Variants in IFNAR1 observed in about 807,000 individuals in gnomAD.
IFNAR1 encodes the protein interferon alpha and beta receptor subunit 1.
Under a neutral mutation model 62.1 loss-of-function variants are expected in IFNAR1, and 47 were observed. The observed-to-expected ratio is 0.76, with a 90% CI of 0.60 to 0.97. IFNAR1 has a LOEUF of 0.97. Ranked by LOEUF, IFNAR1 falls within the 50% of genes least tolerant of loss-of-function variation. IFNAR1 has a pLI of 0.00. For missense variants in IFNAR1, 638 were observed against 654.5 expected, an observed-to-expected ratio of 0.97 and a Z score of 0.27; for synonymous variants, 219 against 226.9, an observed-to-expected ratio of 0.97 and a Z score of 0.31.
In IFNAR1 at chr21:33,341,127, A is replaced by T; in HGVS notation, c.329A>T (p.Asn110Ile). 6.2e-7 allele frequency: 1 copy of T among 1,613,512 alleles called. No individual in the cohort carries two copies. Among genetic ancestry groups the T allele is most frequent in the South Asian group, 1.1e-5 (1 of 91,046 alleles). Residue 110 changes from asparagine to isoleucine, a missense_variant, in exon 3 of 11, where the codon AAC (asparagine) becomes ATC (isoleucine). Asn to Ile is a moderately radical substitution (Grantham distance 149). Coordinates refer to ENST00000270139, the MANE Select transcript of IFNAR1 (RefSeq NM_000629.3). ...IKLRIRAEKE[N>I]TSSWYEVDSF... ...TTGCGTATAAGAGCAGAAAAAGAAA[A>T]CACTTCTTCATGGTATGAGGTTGAC...
intron 3 of IFNAR1, among the ~76,000 whole-genome samples, chr21:33,341,452 GTTCT>G (rs1365314657): frequency 6.6e-6 from 1 of 152,012 alleles, no homozygotes; most frequent in Non-Finnish European, 1.5e-5. Context: ...TTTAATTTTT[GTTCT>G]TTCTTGTATT....
intron 2 of IFNAR1, among the ~76,000 whole-genome samples, chr21:33,339,616 A>T (rs1306787159): frequency 6.6e-6 from 1 of 152,116 alleles, no homozygotes; most frequent in Non-Finnish European, 1.5e-5. Flanking sequence ...TAACATAGGT[A>T]AAAGTTCTCA....
intron 2 of IFNAR1, among the ~76,000 whole-genome samples, chr21:33,336,428 G>A (rs1361144421): frequency 6.9e-6 from 1 of 145,448 alleles, no homozygotes; most frequent in East Asian, 2.0e-4. Flanking sequence ...TAGTCCTTTG[G>A]GTATATACCC....
intron 3 of IFNAR1, among the ~76,000 whole-genome samples, chr21:33,341,651 G>A (rs115296477): frequency 1.3e-3 from 201 of 151,960 alleles, no homozygotes; most frequent in African/African-American, 4.7e-3. Flanking sequence ...GCAAATGTTT[G>A]TTACCATAAA....
At chr21:33,341,554 T>C (rs1213777332) in intron 3 of IFNAR1, among the ~76,000 whole-genome samples, 1 of 152,240 alleles carries the variant, frequency 6.6e-6, no homozygotes, top group African/African-American at 2.4e-5. Context: ...GTGAAATTCA[T>C]CTGCCTTCTT....
At chr21:33,352,675 G>C (rs2083410175) in intron 8 of IFNAR1, 83 bp from the exon 9 acceptor site, 2 of 739,184 alleles carry the variant, frequency 2.7e-6, no homozygotes. Context: ...ATGTTAGACT[G>C]AACATAAAAA....
Position 33,327,460 on chromosome 21 carries a change from G to A in IFNAR1, c.76+2329G>A, listed in dbSNP as rs915337026. Among the ~76,000 whole-genome samples the A allele has an allele frequency of 3.9e-5, 6 of 152,192 alleles. No individual in the cohort carries two copies. The East Asian group carries it at 5.8e-4, about 15-fold the overall frequency. The stretch of plus-strand genomic sequence containing the variant: ...TTAACAGACAAGGAAACTGAGCAAC[G>A]GAGAGATCAAGTAACTTGCCTGAGG... On this transcript the variant is annotated intron_variant, in intron 1 of 10. Transcript: ENST00000270139.
chr21:33,335,705 A>G, intron 2 of IFNAR1, 58 bp downstream of exon 2: 1 of 1,304,534 alleles, frequency 7.7e-7, no homozygotes, highest in Non-Finnish European at 1.0e-6. Flanking sequence ...TACAAGTTTA[A>G]CAACACCATA....
intron 5 of IFNAR1, among the ~76,000 whole-genome samples, chr21:33,344,586 T>C (rs2083326920): frequency 1.3e-5 from 2 of 152,142 alleles, no homozygotes; most frequent in African/African-American, 4.8e-5. Context: ...TGTAAGCATA[T>C]ACACAGACCC....
rs1257030458 is a variant in IFNAR1 at position 33,358,896 on chromosome 21, A to G, written c.*3347A>G. On this transcript the variant is annotated 3_prime_UTR_variant, in exon 11 of 11. Coordinates refer to ENST00000270139, the MANE Select transcript of IFNAR1 (RefSeq NM_000629.3). ...TTATCTTCCCCTAAAAGAGGCCGTG[A>G]TATTTGCAGCAGCCTCAAATTGCTC... 1 of 152,014 alleles carries G rather than the reference A, an allele frequency of 6.6e-6. No individual in the cohort carries two copies. The highest frequency in any genetic ancestry group is 1.5e-5 in the Non-Finnish European group (1 of 68,012). The allele number at this position is 152,014 out of a possible 1,614,324, so 9.4% of individuals were successfully genotyped here.
chr21:33,329,738 T>A (rs1357381342), intron 1 of IFNAR1, among the ~76,000 whole-genome samples: 1 of 152,186 alleles, frequency 6.6e-6, no homozygotes, highest in Non-Finnish European at 1.5e-5. Flanking sequence ...ATTTAAGGAG[T>A]TCCTGTGAAT....
chr21:33,339,082 T>C (rs1218205498), intron 2 of IFNAR1, among the ~76,000 whole-genome samples: 5 of 152,166 alleles, frequency 3.3e-5, no homozygotes. Context: ...TAGCTTCTGC[T>C]GCAATATCTT....
rs1021867791 is a variant in IFNAR1 at position 33,358,983 on chromosome 21, C to T, written c.*3434C>T. ...TACCCAGTAACCATGTGACTACTAA[C>T]GTGGTATATTGATTTATTTTGTTTG... On this transcript the variant is annotated 3_prime_UTR_variant, in exon 11 of 11. Transcript: ENST00000270139. The T allele has an allele frequency of 2.6e-5, 4 of 152,054 alleles. No individual in the cohort carries two copies. The highest frequency in any genetic ancestry group is 9.7e-5 in the African/African-American group (4 of 41,368). 9.4% of individuals were successfully genotyped at this position (152,054 alleles called of 1,614,324 possible). A position where few individuals can be genotyped will look rare whatever the true frequency, so the allele number is the denominator to read the frequency against.
chr21:33,347,318 C>A (rs940699463), intron 6 of IFNAR1, among the ~76,000 whole-genome samples: 1 of 152,038 alleles, frequency 6.6e-6, no homozygotes, highest in Non-Finnish European at 1.5e-5. Context: ...TTAGTAGAAA[C>A]GGGGTTTCAC....
chr21:33,350,809 C>G (rs897717629), intron 8 of IFNAR1, among the ~76,000 whole-genome samples: 2 of 152,190 alleles, frequency 1.3e-5, no homozygotes, highest in Admixed American at 1.3e-4. Context: ...GAATTATGGT[C>G]GGTTTTCAGA....
chr21:33,342,124 A>G (rs1338568735), intron 3 of IFNAR1, among the ~76,000 whole-genome samples: 1 of 152,190 alleles, frequency 6.6e-6, no homozygotes, highest in African/African-American at 2.4e-5. Flanking sequence ...AAGAATGTAA[A>G]GGAGCTGAGT....
At chr21:33,346,940 A>G (rs2083354275) in intron 6 of IFNAR1, among the ~76,000 whole-genome samples, 1 of 152,116 alleles carries the variant, frequency 6.6e-6, no homozygotes, top group African/African-American at 2.4e-5. Context: ...TATTGTCTCA[A>G]AGTTTCTGTG....
intron 2 of IFNAR1, among the ~76,000 whole-genome samples, chr21:33,339,350 A>G (rs2083273219): frequency 6.6e-6 from 1 of 152,226 alleles, no homozygotes; most frequent in Admixed American, 6.5e-5. Flanking sequence ...AAACTGGCCA[A>G]GAATGAAGTA....
At chr21:33,328,658 C>T (rs1201632890) in intron 1 of IFNAR1, among the ~76,000 whole-genome samples, 1 of 152,118 alleles carries the variant, frequency 6.6e-6, no homozygotes, top group Admixed American at 6.5e-5. Context: ...AAATGCAATT[C>T]TAGGACTCTA....
Sources: gnomAD v4.1 joint callset for allele counts (sites outside exome capture counted in the v4.1 genomes callset) on GRCh38, gnomAD v4.1.1 for gene constraint, MANE v1.5 for transcripts, NCBI Gene and HGNC (gene_info 2026-07-23, HGNC 2026-07-21) for gene names.